The following WDR25 variants were observed in gnomAD, a reference collection of about 807,000 sequenced individuals.
WDR25 encodes WD repeat domain 25, also known as WD repeat-containing protein 25.
A neutral mutation model predicts 47.7 loss-of-function variants in WDR25; 35 were observed. The ratio of observed to expected loss-of-function variants is 0.73; its 90% CI spans 0.56 to 0.97. WDR25 has a LOEUF of 0.97. Ranked by LOEUF, WDR25 falls within the 50% of genes least tolerant of loss-of-function variation. The pLI, the probability that WDR25 is intolerant of heterozygous loss-of-function variation, is 0.00. For synonymous variants in WDR25, 248 were observed against 278.9 expected, an observed-to-expected ratio of 0.89 and a Z score of 1.10; for missense variants, 634 against 704.7, an observed-to-expected ratio of 0.90 and a Z score of 1.14.
In WDR25 at chr14:100,387,642, A is replaced by G. The variant is rs146107467; in HGVS notation, c.822+5896A>G. Reference sequence around the variant, plus strand: ...CCTCATTCCCATTTTACAGATGAGGAAATTGAGGCACAGAGAGGTCAAGAG... The same window carrying G: ...CCTCATTCCCATTTTACAGATGAGGGAATTGAGGCACAGAGAGGTCAAGAG... On this transcript the variant is annotated intron_variant, in intron 2 of 6. Coordinates refer to ENST00000402312, the MANE Select transcript of WDR25 (RefSeq NM_001161476.3). Among the ~76,000 whole-genome samples, 642 of 152,308 alleles carry G rather than the reference A, an allele frequency of 4.2e-3. 3 individuals are homozygous for G. The highest frequency in any genetic ancestry group is 7.4e-3 in the Non-Finnish European group (501 of 68,022).
At chr14:100,376,536 G>C (rs952358257) in intron 1 of WDR25, 41 bp downstream of exon 1, 6 of 1,231,802 alleles carry the variant, frequency 4.9e-6, no homozygotes, top group Non-Finnish European at 6.1e-6. Context: ...GGAGGGGCCG[G>C]GACTGGGCAG....
At chr14:100,433,814 A>G (rs774196624) in intron 2 of WDR25, among the ~76,000 whole-genome samples, 5 of 152,310 alleles carry the variant, frequency 3.3e-5, no homozygotes, top group Non-Finnish European at 5.9e-5. Flanking sequence ...TTTGAACATG[A>G]CTTGACTTTT....
intron 4 of WDR25, among the ~76,000 whole-genome samples, chr14:100,490,075 C>G (rs567769715): frequency 6.6e-6 from 1 of 152,346 alleles, no homozygotes; most frequent in South Asian, 2.1e-4. Flanking sequence ...GTCCCACACC[C>G]TCTGCAGGCA....
intron 4 of WDR25, among the ~76,000 whole-genome samples, chr14:100,513,003 TG>T (rs2140366454): frequency 6.6e-6 from 1 of 152,356 alleles, no homozygotes; most frequent in South Asian, 2.1e-4. Flanking sequence ...TTTTAAAATA[TG>T]GTCTATCTTG....
At chr14:100,509,477 A>G (rs571801887) in intron 4 of WDR25, among the ~76,000 whole-genome samples, 7 of 152,256 alleles carry the variant, frequency 4.6e-5, no homozygotes, top group Non-Finnish European at 1.0e-4. Flanking sequence ...AGCATTTCTT[A>G]TAATACAGGT....
chr14:100,391,910 G>C (rs1897154339), intron 2 of WDR25, among the ~76,000 whole-genome samples: 1 of 152,192 alleles, frequency 6.6e-6, no homozygotes, highest in Non-Finnish European at 1.5e-5. Context: ...CAGAGGCTAT[G>C]AGGCGTGTGC....
At chr14:100,384,838 G>C (rs1208195886) in intron 2 of WDR25, among the ~76,000 whole-genome samples, 1 of 152,160 alleles carries the variant, frequency 6.6e-6, no homozygotes, top group Non-Finnish European at 1.5e-5. Flanking sequence ...GGAAGAGCTT[G>C]GGGGCTGGGT....
At chr14:100,420,057 G>A (rs1192641421) in intron 2 of WDR25, among the ~76,000 whole-genome samples, 1 of 152,208 alleles carries the variant, frequency 6.6e-6, no homozygotes, top group Admixed American at 6.5e-5. Context: ...TGGTCAGTCT[G>A]TAACTGTGGC....
Position 100,502,526 on chromosome 14 carries a change from C to T in WDR25, c.1101+18402C>T, listed in dbSNP as rs1052740090. Among the ~76,000 whole-genome samples, 2 of 152,240 alleles carry T rather than the reference C, an allele frequency of 1.3e-5. No homozygotes were observed. Among genetic ancestry groups the T allele is most frequent in the African/African-American group, 4.8e-5 (2 of 41,468 alleles). ...ACCCAAGACACTCACAGGCTGCTCC[C>T]CACCTGCCAGCTCCAGTTCCACCAG... On this transcript the variant is annotated intron_variant, in intron 4 of 6. Coordinates refer to ENST00000402312, the MANE Select transcript of WDR25 (RefSeq NM_001161476.3). This position sits in a 1 kb window ranked among gnomAD's most constrained non-coding sequence, Gnocchi z 4.5.
intron 2 of WDR25, among the ~76,000 whole-genome samples, chr14:100,452,292 G>A (rs1435610140): frequency 1.3e-5 from 2 of 152,124 alleles, no homozygotes; most frequent in Admixed American, 1.3e-4. Context: ...AGACACTGGG[G>A]GATATAGAAG....
chr14:100,467,474 C>T (rs1218806137), intron 2 of WDR25, among the ~76,000 whole-genome samples: 3 of 152,112 alleles, frequency 2.0e-5, no homozygotes, highest in Non-Finnish European at 2.9e-5. Context: ...GGTAGGTGAC[C>T]GGCAGACACA....
chr14:100,526,563 A>AAG (rs767908410), intron 5 of WDR25, among the ~76,000 whole-genome samples: 4 of 151,994 alleles, frequency 2.6e-5, no homozygotes, highest in Admixed American at 6.6e-5. Flanking sequence ...TTTGAGAATT[A>AAG]AGAGAGAGAG....
intron 2 of WDR25, among the ~76,000 whole-genome samples, chr14:100,451,373 C>G (rs1023730111): frequency 1.2e-4 from 18 of 151,882 alleles, no homozygotes; most frequent in Non-Finnish European, 1.5e-4. Flanking sequence ...ACCCAAGTAG[C>G]TGGGTCTAGA....
intron 4 of WDR25, among the ~76,000 whole-genome samples, chr14:100,496,366 T>G (rs766625924): frequency 6.6e-6 from 1 of 152,246 alleles, no homozygotes; most frequent in Non-Finnish European, 1.5e-5. Flanking sequence ...CTTTCATTCC[T>G]GATAATGGTA....
intron 5 of WDR25, among the ~76,000 whole-genome samples, chr14:100,527,165 G>A (rs1156894963): frequency 6.7e-6 from 1 of 148,844 alleles, no homozygotes; most frequent in African/African-American, 2.5e-5. Context: ...CCCACCATCA[G>A]CACCACACTA....
Position 100,392,974 on chromosome 14 carries a change from A to G in WDR25, c.822+11228A>G, listed in dbSNP as rs1280592172. Among the ~76,000 whole-genome samples, 1 of 152,208 alleles carries G rather than the reference A, an allele frequency of 6.6e-6. No homozygotes were observed. The highest frequency in any genetic ancestry group is 6.5e-5 in the Admixed American group (1 of 15,280). Reference sequence around the variant, plus strand: ...TTCCAAAAGGATTATACCAATTTGCACTGCCACCGCAAAGCTTGCGGTGTT... The same window carrying G: ...TTCCAAAAGGATTATACCAATTTGCGCTGCCACCGCAAAGCTTGCGGTGTT... On this transcript the variant is annotated intron_variant, in intron 2 of 6. Transcript: ENST00000402312. The surrounding 1 kb of genome is among the most constrained non-coding windows in gnomAD (Gnocchi z 4.2).
Position 100,529,228 on chromosome 14 carries a change from C to A in WDR25, c.1413+20C>A. On this transcript the variant is annotated intron_variant, in intron 6 of 6. Coordinates refer to ENST00000402312, the MANE Select transcript of WDR25 (RefSeq NM_001161476.3). This position sits in a 1 kb window ranked among gnomAD's most constrained non-coding sequence, Gnocchi z 5.1. ...CACAAGGTACTTCTGTCCTTGTCCC[C>A]CAGGCGAATGCTGAGCCCCAGCCCC... is the stretch of plus-strand genomic sequence containing the variant. The A allele has an allele frequency of 6.2e-7, 1 of 1,612,552 alleles. No individual in the cohort carries two copies.
Position 100,498,258 on chromosome 14 carries a change from G to A in WDR25, c.1101+14134G>A, listed in dbSNP as rs1287306598. Among the ~76,000 whole-genome samples the A allele has an allele frequency of 2.0e-5, 3 of 152,154 alleles. No homozygotes were observed. Among genetic ancestry groups the A allele is most frequent in the Admixed American group, 6.5e-5 (1 of 15,272 alleles). On this transcript the variant is annotated intron_variant, in intron 4 of 6. Transcript: ENST00000402312. The surrounding 1 kb of genome is among the most constrained non-coding windows in gnomAD (Gnocchi z 4.2). ...TGGTGCTTCTCTGCAAATCTGGCGC[G>A]GAGGCTGCGGAGGGAGATGGATGTG... is the stretch of plus-strand genomic sequence containing the variant.
Position 100,424,009 on chromosome 14 carries a change from C to G in WDR25, c.822+42263C>G, listed in dbSNP as rs1182861316. On this transcript the variant is annotated intron_variant, in intron 2 of 6. Transcript: ENST00000402312. The surrounding 1 kb of genome is among the most constrained non-coding windows in gnomAD (Gnocchi z 4.2). ...CCCAGGATGGGCTTGGTGCTGGTCC[C>G]AGGGAGGCAGATGACACGTGTTGCC... 6.6e-6 allele frequency among the ~76,000 whole-genome samples: 1 copy of G among 152,252 alleles called. No homozygotes were observed. The highest frequency in any genetic ancestry group is 1.5e-5 in the Non-Finnish European group (1 of 68,050).
Sources: allele counts gnomAD v4.1 joint callset (sites outside exome capture counted in the v4.1 genomes callset), GRCh38; gene constraint gnomAD v4.1.1; non-coding constraint Gnocchi (gnomAD v3.1); transcripts MANE v1.5; gene names NCBI Gene and HGNC (gene_info 2026-07-23, HGNC 2026-07-21).